PEX5L: variants seen among roughly 807,000 people sequenced by gnomAD.
PEX5L encodes the protein PEX5-related protein.
In PEX5L, 30 loss-of-function variants were observed where a neutral mutation model predicts 84.0. The ratio of observed to expected loss-of-function variants is 0.36; its 90% CI spans 0.27 to 0.48. The LOEUF (loss-of-function observed/expected upper bound fraction) is 0.48, where lower values mean the gene tolerates loss of function less well. Among genes scored for constraint, PEX5L ranks in the 20% least tolerant of loss-of-function variants. The pLI is 0.99. For missense variants in PEX5L, 533 were observed against 754.6 expected, an observed-to-expected ratio of 0.71 and a Z score of 3.44; for synonymous variants, 270 against 283.1, an observed-to-expected ratio of 0.95 and a Z score of 0.46.
At chr3:179,982,397 T>C (rs1349187703) in intron 1 of PEX5L, among the ~76,000 whole-genome samples, 1 of 152,202 alleles carries the variant, frequency 6.6e-6, no homozygotes, top group Admixed American at 6.5e-5. Flanking sequence ...TATAGATGAC[T>C]ACTGACGATC....
At position 179,880,061 on chromosome 3, in the gene PEX5L, C is replaced by T; in HGVS notation, c.373G>A (p.Ala125Thr). 2 of 1,613,922 alleles carry T rather than the reference C, an allele frequency of 1.2e-6. No individual in the cohort carries two copies. The highest frequency in any genetic ancestry group is 1.7e-6 in the Non-Finnish European group (2 of 1,179,914). ...TTTGATGAGGGCTCTGACTTCTTGG[C>T]TTTGGTTTGGGTTTGAGAGACTGGT... Reference protein sequence around the residue: ...SEPVSQTQTKAKKSEPSSKTS... With the variant: ...SEPVSQTQTKTKKSEPSSKTS... The change falls in exon 5 of 15, where the codon GCC (alanine) becomes ACC (threonine). Residue 125 changes from alanine (A) to threonine (T), a missense_variant. By Grantham distance (58) the Ala-to-Thr change is moderately conservative. Coordinates refer to ENST00000467460, the MANE Select transcript of PEX5L (RefSeq NM_016559.3).
At chr3:179,966,516 G>A (rs893805881) in intron 2 of PEX5L, among the ~76,000 whole-genome samples, 1 of 152,168 alleles carries the variant, frequency 6.6e-6, no homozygotes, top group Non-Finnish European at 1.5e-5. Flanking sequence ...TTTACTATTT[G>A]TGAGTCTGAG....
chr3:179,980,754 A>G (rs1786248243), intron 1 of PEX5L, among the ~76,000 whole-genome samples: 2 of 152,320 alleles, frequency 1.3e-5, no homozygotes, highest in Non-Finnish European at 2.9e-5. Context: ...TTAAAACAGC[A>G]GAGTTGGCCA....
intron 2 of PEX5L, among the ~76,000 whole-genome samples, chr3:179,912,612 G>A (rs1765573832): frequency 6.6e-6 from 1 of 152,036 alleles, no homozygotes; most frequent in South Asian, 2.1e-4. Flanking sequence ...ACACTGAATT[G>A]AAGAAAGCTC....
At chr3:179,826,868 T>C (rs1388314401) in intron 8 of PEX5L, among the ~76,000 whole-genome samples, 2 of 152,188 alleles carry the variant, frequency 1.3e-5, no homozygotes, top group Non-Finnish European at 2.9e-5. Context: ...TGAAAATATT[T>C]AGGAAATGAA....
chr3:179,988,724 T>C (rs1579247869), intron 1 of PEX5L, among the ~76,000 whole-genome samples: 1 of 152,180 alleles, frequency 6.6e-6, no homozygotes, highest in Non-Finnish European at 1.5e-5. Context: ...ACACCTGCTT[T>C]AGAAAAACTA....
At chr3:179,962,926 G>T (rs1037561167) in intron 2 of PEX5L, among the ~76,000 whole-genome samples, 3 of 152,126 alleles carry the variant, frequency 2.0e-5, no homozygotes, top group African/African-American at 7.2e-5. Flanking sequence ...TAAAAAGAAA[G>T]AAAACATGGG....
chr3:179,996,746 TA>T (rs1231911852), intron 1 of PEX5L, among the ~76,000 whole-genome samples: 3 of 152,144 alleles, frequency 2.0e-5, no homozygotes, highest in Non-Finnish European at 4.4e-5. Flanking sequence ...ACAATGGGAA[TA>T]ATTGGATTGC....
At chr3:179,947,622 C>A (rs540802913) in intron 2 of PEX5L, among the ~76,000 whole-genome samples, 1 of 151,502 alleles carries the variant, frequency 6.6e-6, no homozygotes, top group Non-Finnish European at 1.5e-5. Context: ...ATAGTACTGA[C>A]GCAAAGTAAA....
intron 1 of PEX5L, among the ~76,000 whole-genome samples, chr3:180,007,106 T>C (rs933846865): frequency 3.3e-5 from 5 of 152,120 alleles, no homozygotes; most frequent in Admixed American, 2.6e-4. Flanking sequence ...GCCTGTAAAA[T>C]AGAAAGCAAG....
intron 1 of PEX5L, among the ~76,000 whole-genome samples, chr3:180,004,704 G>A (rs1788720450): frequency 1.3e-5 from 2 of 152,002 alleles, no homozygotes; most frequent in South Asian, 4.1e-4. Flanking sequence ...ATATACTGAA[G>A]TTAAACCTCT....
At chr3:179,833,391 T>G (rs1733836386) in intron 8 of PEX5L, among the ~76,000 whole-genome samples, 1 of 152,204 alleles carries the variant, frequency 6.6e-6, no homozygotes, top group African/African-American at 2.4e-5. Context: ...AGAACCCACA[T>G]CTCTTAATTC....
At chr3:179,810,221 G>A (rs1369622317) in intron 11 of PEX5L, among the ~76,000 whole-genome samples, 1 of 151,542 alleles carries the variant, frequency 6.6e-6, no homozygotes, top group Admixed American at 6.6e-5. Flanking sequence ...TGGCCAGGCT[G>A]GTCTCAAACT....
chr3:179,999,769 T>C (rs550877890), intron 1 of PEX5L, among the ~76,000 whole-genome samples: 36 of 152,346 alleles, frequency 2.4e-4, no homozygotes, highest in African/African-American at 8.7e-4. Flanking sequence ...ACTCGCTTTA[T>C]GGCTAAAGAA....
chr3:179,807,902 T>G, intron 13 of PEX5L, 71 bp from the exon 14 acceptor site: 1 of 1,409,378 alleles, frequency 7.1e-7, no homozygotes, highest in Non-Finnish European at 9.7e-7. Flanking sequence ...TGTATTTCTC[T>G]GCAGAGAAAG....
In PEX5L at chr3:179,795,732, C is replaced by G. The variant is rs1357427816; in HGVS notation, c.*6096G>C. 6.6e-6 allele frequency: 1 copy of G among 152,106 alleles called. No homozygotes were observed. The highest frequency in any genetic ancestry group is 2.4e-5 in the African/African-American group (1 of 41,426). 9.4% of individuals were successfully genotyped at this position (152,106 alleles called of 1,614,324 possible). A position where few individuals can be genotyped will look rare whatever the true frequency, so the allele number is the denominator to read the frequency against. On this transcript the variant is annotated 3_prime_UTR_variant, in exon 15 of 15. Transcript: ENST00000467460. ...AACATTTATGAGCATGAGGAGGAAG[C>G]ATCACAGAAGAATTGTCTCAAAACA...
intron 5 of PEX5L, among the ~76,000 whole-genome samples, chr3:179,878,096 T>A (rs1753037226): frequency 6.6e-6 from 1 of 152,252 alleles, no homozygotes; most frequent in African/African-American, 2.4e-5. Flanking sequence ...AACAGTCTAA[T>A]GGAGGTATCC....
At chr3:180,005,633 G>A (rs1012768704) in intron 1 of PEX5L, among the ~76,000 whole-genome samples, 9 of 152,266 alleles carry the variant, frequency 5.9e-5, no homozygotes, top group African/African-American at 1.9e-4. Context: ...GGACGCTGAG[G>A]CAGGAGAATG....
chr3:179,901,542 T>C (rs540863111), intron 2 of PEX5L, among the ~76,000 whole-genome samples: 1 of 152,348 alleles, frequency 6.6e-6, no homozygotes, highest in East Asian at 1.9e-4. Context: ...GATTATCATA[T>C]TGTGGTATCC....
Sources: allele counts gnomAD v4.1 joint callset (sites outside exome capture counted in the v4.1 genomes callset), GRCh38; gene constraint gnomAD v4.1.1; transcripts MANE v1.5; gene names NCBI Gene and HGNC (gene_info 2026-07-23, HGNC 2026-07-21).